ARAP3: variants seen among roughly 807,000 people sequenced by gnomAD.
ARAP3 encodes arf-GAP with Rho-GAP domain, ANK repeat and PH domain-containing protein 3.
Under a neutral mutation model 169.2 loss-of-function variants are expected in ARAP3, and 82 were observed. That is an observed-to-expected ratio of 0.48 (90% CI 0.41 to 0.58). The LOEUF (loss-of-function observed/expected upper bound fraction) is 0.58, where lower values mean the gene tolerates loss of function less well. Among genes scored for constraint, ARAP3 ranks in the 20% least tolerant of loss-of-function variants. The pLI is 0.00. For synonymous variants in ARAP3, 791 were observed against 800.3 expected (o/e 0.99, Z 0.20); for missense variants, 1,764 against 2,018.0 (o/e 0.87, Z 2.41).
rs536292464 is a variant in ARAP3, at chr5:141,672,625, C to T, written c.1312G>A (p.Glu438Lys). 1.1e-4 allele frequency: 185 copies of T among 1,613,722 alleles called. 1 individual carries two copies. The highest frequency in any genetic ancestry group is 1.8e-4 in the Admixed American group (11 of 59,960). Residue 438 changes from glutamate (E) to lysine (K), a missense_variant, in exon 9 of 33, where the codon GAA (glutamate) becomes AAA (lysine). Glu to Lys is a moderately conservative substitution (Grantham distance 56). Around this residue, in one of 3 missense-constraint regions of ARAP3, gnomAD observed 630 missense variants for 678.7 expected, o/e 0.93. Transcript: ENST00000239440. This position sits in a 1 kb window ranked among gnomAD's most constrained non-coding sequence, Gnocchi z 4.9. ...FSLGIGICFI[E>K]LQGCSVRETK... ...TCCCGGACGCTGCAGCCCTGCAGTT[C>T]GATGAAGCAGATCCCGATGCCCAGA...
rs756944663 is a variant in ARAP3 at position 141,673,612 on chromosome 5, G to T, written c.895C>A (p.Pro299Thr). Residue 299 changes from proline to threonine, a missense_variant, in exon 5 of 33, where the codon CCT becomes ACT. Around this residue, in one of 3 missense-constraint regions of ARAP3, gnomAD observed 630 missense variants for 678.7 expected, o/e 0.93. Coordinates refer to ENST00000239440, the MANE Select transcript of ARAP3 (RefSeq NM_022481.6). ...TCCCCTCCCAGCACCCACCCCTGAGGGGAGAGCTTGTCTAGCCAGCCACTG... is the reference window on the plus strand; with the variant it reads ...TCCCCTCCCAGCACCCACCCCTGAGTGGAGAGCTTGTCTAGCCAGCCACTG... ...LLSGWLDKLS[P>T]QGNYVFQRRF... 6.2e-7 allele frequency: 1 copy of T among 1,613,938 alleles called. No homozygotes were observed. Among genetic ancestry groups the T allele is most frequent in the Admixed American group, 1.7e-5 (1 of 60,006 alleles).
At chr5:141,655,439 C>T in intron 31 of ARAP3, 39 bp from the exon 32 acceptor site, 3 of 1,584,090 alleles carry the variant, frequency 1.9e-6, no homozygotes, top group Non-Finnish European at 2.6e-6. Flanking sequence ...GAAGGAAAGA[C>T]ATAAAGACAC....
At chr5:141,670,736 G>C in intron 13 of ARAP3, 108 bp from the exon 14 acceptor site, 1 of 865,306 alleles carries the variant, frequency 1.2e-6, no homozygotes, top group Non-Finnish European at 1.9e-6. Flanking sequence ...TGACTCCACT[G>C]CCAGCACAGC....
In ARAP3 at chr5:141,656,265, T is replaced by C. The variant is rs1256210481; in HGVS notation, c.3801A>G (p.Pro1267=). 9 of 1,614,162 alleles carry C rather than the reference T, an allele frequency of 5.6e-6. No homozygotes were observed. Among genetic ancestry groups the C allele is most frequent in the South Asian group, 5.5e-5 (5 of 91,078 alleles). The part of the protein sequence containing the change: ...LLLKEKKSSK[P]EREWPLEGAK... ...CACCTTCCAAAGGCCACTCCCGTTC[T>C]GGTTTAGAGCTCTGAGAACAGAAAC... The change falls in exon 28 of 33, where the codon CCA becomes CCG. Residue 1267 remains proline, a synonymous_variant. Transcript: ENST00000239440.
At position 141,653,818 on chromosome 5, in the gene ARAP3, C is replaced by A; in HGVS notation, c.*132G>T. The A allele has an allele frequency of 7.6e-7, 1 of 1,321,562 alleles. No individual in the cohort carries two copies. The highest frequency in any genetic ancestry group is 1.0e-6 in the Non-Finnish European group (1 of 980,416). The allele number at this position is 1,321,562 out of a possible 1,614,324, so 81.9% of individuals were successfully genotyped here. ...ACACGCAGCCACTGAAGCCTTTAGTCCAGTGCTCCTTCCACAGCACCACAC... is the reference window on the plus strand; with the variant it reads ...ACACGCAGCCACTGAAGCCTTTAGTACAGTGCTCCTTCCACAGCACCACAC... On this transcript the variant is annotated 3_prime_UTR_variant, in exon 33 of 33. Coordinates refer to ENST00000239440, the MANE Select transcript of ARAP3 (RefSeq NM_022481.6).
chr5:141,672,849 G>C lies in ARAP3; in HGVS notation c.1170C>G (p.Pro390=), dbSNP rs1057371. ...CCGTGCGGAGGGGTCGGGGTGGTTG[G>C]GGGGGCCGGGGGTGGCCCAGGAGGC... ...EQRLLGHPRP[P]QPPRPLRTGM... is the part of the protein sequence containing the mutation. Residue 390 remains proline (P), a synonymous_variant, in exon 8 of 33, where the codon CCC becomes CCG. Transcript: ENST00000239440. This position sits in a 1 kb window ranked among gnomAD's most constrained non-coding sequence, Gnocchi z 4.9. 18 of 1,606,408 alleles carry C rather than the reference G, an allele frequency of 1.1e-5. No homozygotes were observed. Among genetic ancestry groups the C allele is most frequent in the African/African-American group, 9.4e-5 (7 of 74,746 alleles).
Position 141,656,279 on chromosome 5 carries a change from G to A in ARAP3, c.3790-3C>T, listed in dbSNP as rs771642077. 6 of 1,614,040 alleles carry A rather than the reference G, an allele frequency of 3.7e-6. No homozygotes were observed. The African/African-American group carries it at 8.0e-5, about 22-fold the overall frequency. ...CACTCCCGTTCTGGTTTAGAGCTCT[G>A]AGAACAGAAACAGAGTCAGCGAGAT... On this transcript the variant is annotated splice_region_variant and splice_polypyrimidine_tract_variant and intron_variant, in intron 27 of 32. Coordinates refer to ENST00000239440, the MANE Select transcript of ARAP3 (RefSeq NM_022481.6).
Position 141,671,410 on chromosome 5 carries a change from G to C in ARAP3, c.1855-10C>G, listed in dbSNP as rs750350593. ...CAGCTGCACACAGTGCCTGCAGGGAGGGAAGGGCCTCTGTCAGCCCCAAAT... is the reference window on the plus strand; with the variant it reads ...CAGCTGCACACAGTGCCTGCAGGGACGGAAGGGCCTCTGTCAGCCCCAAAT... On this transcript the variant is annotated splice_polypyrimidine_tract_variant and intron_variant, in intron 12 of 32. Coordinates refer to ENST00000239440, the MANE Select transcript of ARAP3 (RefSeq NM_022481.6). This position sits in a 1 kb window ranked among gnomAD's most constrained non-coding sequence, Gnocchi z 4.9. 1 of 1,604,576 alleles carries C rather than the reference G, an allele frequency of 6.2e-7. No individual in the cohort carries two copies. Among genetic ancestry groups the C allele is most frequent in the Non-Finnish European group, 8.5e-7 (1 of 1,175,002 alleles).
At chr5:141,661,404 T>C (rs1254758610) in intron 21 of ARAP3, among the ~76,000 whole-genome samples, 2 of 152,170 alleles carry the variant, frequency 1.3e-5, no homozygotes, top group Non-Finnish European at 2.9e-5. Flanking sequence ...TGGATATGAT[T>C]CATTACATCA....
intron 4 of ARAP3, among the ~76,000 whole-genome samples, chr5:141,678,303 C>G (rs74873628): frequency 6.6e-6 from 1 of 152,004 alleles, no homozygotes; most frequent in Non-Finnish European, 1.5e-5. Context: ...TTCCTCCCAC[C>G]GTGGCTCACC....
At chr5:141,668,900 T>C (rs896213348) in intron 16 of ARAP3, among the ~76,000 whole-genome samples, 2 of 152,134 alleles carry the variant, frequency 1.3e-5, no homozygotes, top group Non-Finnish European at 2.9e-5. Flanking sequence ...AACTGCAGGC[T>C]GCACACGACT....
Position 141,673,581 on chromosome 5 carries a change from C to G in ARAP3, c.902+24G>C, listed in dbSNP as rs201174840. 1.6e-4 allele frequency: 257 copies of G among 1,612,466 alleles called. 2 individuals carry two copies. In the African/African-American group the frequency reaches 2.9e-3, roughly 18 times the overall value. On this transcript the variant is annotated intron_variant, in intron 5 of 32. Coordinates refer to ENST00000239440, the MANE Select transcript of ARAP3 (RefSeq NM_022481.6). ...CCACCTCCCAGCCTCTCTTTTCTCC[C>G]TCCCTTCCCCTCCCAGCACCCACCC...
At chr5:141,665,461 C>A in intron 17 of ARAP3, 87 bp from the exon 18 acceptor site, 1 of 1,409,742 alleles carries the variant, frequency 7.1e-7, no homozygotes, top group Non-Finnish European at 1.0e-6. Flanking sequence ...TGCATAGATG[C>A]CAGGCTAGGA....
chr5:141,659,502 T>A, intron 22 of ARAP3, 26 bp from the exon 23 acceptor site: 1 of 1,612,276 alleles, frequency 6.2e-7, no homozygotes, highest in Non-Finnish European at 8.5e-7. Context: ...AAGAGAGTGT[T>A]GGGGTGCTGG....
At chr5:141,654,463 G>A (rs2099908930) in intron 32 of ARAP3, 28 bp from the exon 33 acceptor site, 4 of 1,531,902 alleles carry the variant, frequency 2.6e-6, no homozygotes, top group African/African-American at 1.4e-5. Context: ...GGCAGGAGTG[G>A]GCACATAGTT....
At chr5:141,665,521 C>T (rs1222415343) in intron 17 of ARAP3, 147 bp from the exon 18 acceptor site, 12 of 764,190 alleles carry the variant, frequency 1.6e-5, no homozygotes, top group South Asian at 3.8e-5. Flanking sequence ...TACTATTATT[C>T]CCATTTTATA....
At position 141,680,471 on chromosome 5, in the gene ARAP3, C is replaced by T. The variant is rs1479814987; in HGVS notation, c.16G>A (p.Asp6Asn). 1 of 1,598,428 alleles carries T rather than the reference C, an allele frequency of 6.3e-7. No homozygotes were observed. Among genetic ancestry groups the T allele is most frequent in the Admixed American group, 1.7e-5 (1 of 59,724 alleles). The part of the protein sequence containing the change: MAAPQ[D>N]LDIAVWLATV... ...GCCAGCCACACAGCGATGTCCAGGTCCTGAGGGGCAGCCATGGGGGCTCAG... is the reference window on the plus strand; with the variant it reads ...GCCAGCCACACAGCGATGTCCAGGTTCTGAGGGGCAGCCATGGGGGCTCAG... Residue 6 changes from aspartate (D) to asparagine (N), a missense_variant, in exon 2 of 33, where the codon GAC becomes AAC. Asp to Asn is a conservative substitution (Grantham distance 23, BLOSUM62 1). Around this residue, in one of 3 missense-constraint regions of ARAP3, gnomAD observed 630 missense variants for 678.7 expected, o/e 0.93. Coordinates refer to ENST00000239440, the MANE Select transcript of ARAP3 (RefSeq NM_022481.6).
chr5:141,663,751 G>C (rs2099910286), intron 19 of ARAP3, among the ~76,000 whole-genome samples: 2 of 152,312 alleles, frequency 1.3e-5, no homozygotes, highest in Admixed American at 1.3e-4. Flanking sequence ...GACTTTCCAT[G>C]TCCCATGACT....
chr5:141,679,720 C>G, intron 3 of ARAP3, 41 bp downstream of exon 3: 1 of 1,613,954 alleles, frequency 6.2e-7, no homozygotes, highest in East Asian at 2.2e-5. Flanking sequence ...GAGGTCCTGC[C>G]GGCACTATCC....
Sources: allele counts gnomAD v4.1 joint callset (sites outside exome capture counted in the v4.1 genomes callset), GRCh38; gene constraint gnomAD v4.1.1; regional missense constraint gnomAD v4.1.1; non-coding constraint Gnocchi (gnomAD v3.1); transcripts MANE v1.5; gene names NCBI Gene and HGNC (gene_info 2026-07-23, HGNC 2026-07-21).